Variants in NR3C1 observed in about 807,000 individuals in gnomAD.
NR3C1 encodes nuclear receptor subfamily 3 group C member 1.
In NR3C1, 14 loss-of-function variants were observed where a neutral mutation model predicts 74.0. The ratio of observed to expected loss-of-function variants is 0.19; its 90% CI spans 0.12 to 0.30. The LOEUF (loss-of-function observed/expected upper bound fraction) is 0.30, where lower values mean the gene tolerates loss of function less well. Among genes scored for constraint, NR3C1 ranks in the 10% least tolerant of loss-of-function variants. The pLI, the probability that NR3C1 is intolerant of heterozygous loss-of-function variation, is 1.00. For synonymous variants in NR3C1, 308 were observed against 332.5 expected, an observed-to-expected ratio of 0.93 and a Z score of 0.80; for missense variants, 695 against 909.8, an observed-to-expected ratio of 0.76 and a Z score of 3.04.
intron 2 of NR3C1, among the ~76,000 whole-genome samples, chr5:143,324,458 T>C (rs1239991880): frequency 6.6e-6 from 1 of 152,080 alleles, no homozygotes; most frequent in Non-Finnish European, 1.5e-5. Flanking sequence ...GGGCACAAAG[T>C]CCCTAGCCTA....
chr5:143,332,255 C>CA (rs1487672523), intron 2 of NR3C1, among the ~76,000 whole-genome samples: 2 of 151,110 alleles, frequency 1.3e-5, no homozygotes, highest in East Asian at 1.9e-4. Flanking sequence ...GGTGGACAGT[C>CA]AGTGCATGAG....
At chr5:143,367,044 A>T (rs890991031) in intron 2 of NR3C1, among the ~76,000 whole-genome samples, 2 of 152,228 alleles carry the variant, frequency 1.3e-5, no homozygotes, top group Non-Finnish European at 2.9e-5. Flanking sequence ...ATCTACAAGT[A>T]TATAAAAAGG....
At chr5:143,338,087 T>C (rs966382395) in intron 2 of NR3C1, among the ~76,000 whole-genome samples, 1 of 152,198 alleles carries the variant, frequency 6.6e-6, no homozygotes, top group Non-Finnish European at 1.5e-5. Context: ...TTTATAGTGA[T>C]GGTCCCATAA....
chr5:143,400,269 A>G lies in NR3C1; in HGVS notation c.571T>C (p.Phe191Leu). ...AACTCCAAATCCTGCAAAATGTCAA[A>G]GGTGCTTTGGTCTGTGGTATACAAT... is the stretch of plus-strand genomic sequence containing the variant. ...VKLYTTDQST[F>L]DILQDLEFSS... Residue 191 changes from phenylalanine to leucine, a missense_variant, in exon 2 of 9, where the codon TTT becomes CTT. Phe to Leu is a conservative substitution (Grantham distance 22, BLOSUM62 0). This residue lies in a region of NR3C1 where 497 missense variants were observed against 489.5 expected (regional missense o/e 1.02). Transcript: ENST00000394464. 2 of 1,598,348 alleles carry G rather than the reference A, an allele frequency of 1.3e-6. No homozygotes were observed. Among genetic ancestry groups the G allele is most frequent in the Non-Finnish European group, 1.7e-6 (2 of 1,173,500 alleles).
intron 2 of NR3C1, chr5:143,332,563 T>A: frequency 2.3e-6 from 2 of 862,380 alleles, no homozygotes; most frequent in South Asian, 1.7e-5. Flanking sequence ...AAATAAAAAT[T>A]ATAATTAAAA....
intron 2 of NR3C1, among the ~76,000 whole-genome samples, chr5:143,365,931 A>G (rs1201868728): frequency 2.6e-5 from 4 of 152,232 alleles, no homozygotes; most frequent in African/African-American, 9.6e-5. Flanking sequence ...ATCACAATGG[A>G]AATCAGAAGA....
chr5:143,309,173 A>C lies in NR3C1; in HGVS notation c.1468+924T>G, dbSNP rs1340904106. The stretch of plus-strand genomic sequence containing the variant: ...ACTGCAACCTCTGCCTCCCGGGTTC[A>C]AGTGATTCTCCTGCCTCAGCCTCCT... On this transcript the variant is annotated intron_variant, in intron 4 of 8. Coordinates refer to ENST00000394464, the MANE Select transcript of NR3C1 (RefSeq NM_000176.3). 3.3e-5 allele frequency among the ~76,000 whole-genome samples: 5 copies of C among 150,914 alleles called. No homozygotes were observed. In the East Asian group the frequency reaches 9.7e-4, roughly 29 times the overall value.
intron 4 of NR3C1, among the ~76,000 whole-genome samples, chr5:143,305,819 C>G (rs1192223380): frequency 1.3e-5 from 2 of 152,094 alleles, no homozygotes; most frequent in Non-Finnish European, 2.9e-5. Flanking sequence ...CAATCATACT[C>G]CAAACACCGG....
chr5:143,351,444 T>C (rs560190734), intron 2 of NR3C1, among the ~76,000 whole-genome samples: 1 of 152,308 alleles, frequency 6.6e-6, no homozygotes, highest in East Asian at 1.9e-4. Context: ...GTCAGGATTA[T>C]AGACATACAG....
intron 1 of NR3C1, among the ~76,000 whole-genome samples, chr5:143,415,035 G>C (rs1345726858): frequency 6.6e-6 from 1 of 151,968 alleles, no homozygotes; most frequent in Non-Finnish European, 1.5e-5. Flanking sequence ...GCATTAGAAG[G>C]ATGAAAAATA....
At position 143,400,167 on chromosome 5, in the gene NR3C1, G is replaced by A. The variant is rs750805075; in HGVS notation, c.673C>T (p.Leu225Phe). Reference sequence around the variant, plus strand: ...TCGTCTTCTCCCGCCAGAGGAGAAAGCAAACAGTTTTCATCTATCAACAGG... The same window carrying A: ...TCGTCTTCTCCCGCCAGAGGAGAAAACAAACAGTTTTCATCTATCAACAGG... ...SDLLIDENCLLSPLAGEDDSF... is the reference protein window; with the variant it reads ...SDLLIDENCLFSPLAGEDDSF... The change falls in exon 2 of 9, where the codon CTT becomes TTT. Residue 225 changes from leucine (L) to phenylalanine (F), a missense_variant. Leu to Phe is a conservative substitution (Grantham distance 22). This residue lies in a region of NR3C1 where 497 missense variants were observed against 489.5 expected (regional missense o/e 1.02). Transcript: ENST00000394464. 6.2e-7 allele frequency: 1 copy of A among 1,614,064 alleles called. No individual in the cohort carries two copies. Among genetic ancestry groups the A allele is most frequent in the South Asian group, 1.1e-5 (1 of 91,082 alleles).
chr5:143,382,741 T>G (rs186098391), intron 2 of NR3C1, among the ~76,000 whole-genome samples: 142 of 152,364 alleles, frequency 9.3e-4, no homozygotes, highest in Non-Finnish European at 1.7e-3. Context: ...TAGCTCCATT[T>G]GGAATTCTAT....
chr5:143,340,939 T>G (rs570987656), intron 2 of NR3C1, among the ~76,000 whole-genome samples: 1 of 152,256 alleles, frequency 6.6e-6, no homozygotes, highest in Admixed American at 6.5e-5. Context: ...TTAGGCCCAG[T>G]ACCCAATAGT....
rs1288025141 is a variant in NR3C1 at position 143,403,335 on chromosome 5, A to C, written c.-138T>G. ...ATATTTTTTTTTTCTAAAAAAAGGA[A>C]GTAAACAGCCGCCCCTTTCTCCATG... On this transcript the variant is annotated 5_prime_UTR_variant, in exon 1 of 9. Coordinates refer to ENST00000394464, the MANE Select transcript of NR3C1 (RefSeq NM_000176.3). The C allele has an allele frequency of 1.0e-6, 1 of 985,350 alleles. No individual in the cohort carries two copies. Among genetic ancestry groups the C allele is most frequent in the Admixed American group, 6.1e-5 (1 of 16,268 alleles). The allele number at this position is 985,350 out of a possible 1,614,324, so 61.0% of individuals were successfully genotyped here.
chr5:143,369,070 G>A (rs1454889847), intron 2 of NR3C1, among the ~76,000 whole-genome samples: 2 of 152,198 alleles, frequency 1.3e-5, no homozygotes, highest in African/African-American at 2.4e-5. Flanking sequence ...GACCTCTGAT[G>A]ACCCAAGCAC....
intron 1 of NR3C1, among the ~76,000 whole-genome samples, chr5:143,412,785 A>G (rs1841336623): frequency 6.6e-6 from 1 of 152,182 alleles, no homozygotes; most frequent in Admixed American, 6.5e-5. Flanking sequence ...ATGTCTCCAC[A>G]TTCACCCACC....
Position 143,333,076 on chromosome 5 carries a change from C to T in NR3C1, c.1185-18908G>A, listed in dbSNP as rs1302390783. The stretch of plus-strand genomic sequence containing the variant: ...TTGGAAGACCTCATTCATGAAATTG[C>T]CTTCCCAGGGAAGCATTTCCAGGAG... On this transcript the variant is annotated intron_variant, in intron 2 of 8. Transcript: ENST00000394464. The T allele has an allele frequency of 3.8e-6, 6 of 1,594,114 alleles. No homozygotes were observed. In the African/African-American group the frequency reaches 5.4e-5, roughly 14 times the overall value.
chr5:143,332,099 CA>C (rs927766766), intron 2 of NR3C1, among the ~76,000 whole-genome samples: 2 of 152,106 alleles, frequency 1.3e-5, no homozygotes, highest in South Asian at 2.1e-4. Context: ...ATTTTAAGGA[CA>C]AGTCATTAAT....
At chr5:143,402,901 G>A (rs1840602753) in intron 1 of NR3C1, 12 of 935,836 alleles carry the variant, frequency 1.3e-5, no homozygotes, top group Non-Finnish European at 1.1e-5. Flanking sequence ...AAAGAGGCCA[G>A]GATTCCCGCG....
Sources: gnomAD v4.1 joint callset for allele counts (sites outside exome capture counted in the v4.1 genomes callset) on GRCh38, gnomAD v4.1.1 for gene constraint, gnomAD v4.1.1 regional missense constraint, MANE v1.5 for transcripts, NCBI Gene and HGNC (gene_info 2026-07-23, HGNC 2026-07-21) for gene names.